ZC3H12D: variants seen among roughly 807,000 people sequenced by gnomAD.
The protein encoded by ZC3H12D is probable ribonuclease ZC3H12D.
In ZC3H12D, 11 loss-of-function variants were observed where a neutral mutation model predicts 24.2. The ratio of observed to expected loss-of-function variants is 0.46; its 90% confidence interval spans 0.29 to 0.75. ZC3H12D has a LOEUF of 0.75. ZC3H12D is among the 30% of genes least tolerant of loss of function. The pLI is 0.11. For missense variants in ZC3H12D, 740 were observed against 767.7 expected, an observed-to-expected ratio of 0.96 and a Z score of 0.43; for synonymous variants, 333 against 341.8, an observed-to-expected ratio of 0.97 and a Z score of 0.28.
chr6:149,452,623 ACAATGCTGC>A lies in ZC3H12D; in HGVS notation c.771_779del (p.Trp257_His259del). ...GCACTGGGCCCTACCCACCATAAGG[ACAATGCTGC>A]CAGGATGGCTCTGGGGGCTTCGGCT... On this transcript the variant is annotated inframe_deletion, in exon 5 of 6. Coordinates refer to ENST00000409806, the MANE Select transcript of ZC3H12D (RefSeq NM_207360.3). The surrounding 1 kb of genome is among the most constrained non-coding windows in gnomAD (Gnocchi z 4.0). The A allele has an allele frequency of 6.3e-7, 1 of 1,584,592 alleles. No individual in the cohort carries two copies. Among genetic ancestry groups the A allele is most frequent in the Non-Finnish European group, 8.6e-7 (1 of 1,166,890 alleles).
rs1223600709 is a variant in ZC3H12D, at chr6:149,450,745, C to A, written c.1522G>T (p.Ala508Ser). Residue 508 changes from alanine (A) to serine (S), a missense_variant, in exon 6 of 6, where the codon GCC becomes TCC. Coordinates refer to ENST00000409806, the MANE Select transcript of ZC3H12D (RefSeq NM_207360.3). ...CTCTGTACCAGGAGGATGAGCCTGG[C>A]GAGGTCTGAGAGCTCCGGGAACGCG... ...MAAFPELSDL[A>S]RLILLVQRCQ... The A allele has an allele frequency of 2.6e-6, 4 of 1,548,676 alleles. No individual in the cohort carries two copies. Among genetic ancestry groups the A allele is most frequent in the East Asian group, 2.4e-5 (1 of 40,880 alleles).
In ZC3H12D at chr6:149,461,861, C is replaced by G; in HGVS notation, c.415G>C (p.Asp139His). 1 of 1,573,768 alleles carries G rather than the reference C, an allele frequency of 6.4e-7. No individual in the cohort carries two copies. The highest frequency in any genetic ancestry group is 8.6e-7 in the Non-Finnish European group (1 of 1,159,216). ...ATAGGGGTGTCAGCTCTTGGTGGGT[C>G]CTTCCTCCAGGATGGAACAAAAACT... ...IKVFVPSWRK[D>H]PPRADTPIRE... is the part of the protein sequence containing the mutation. Residue 139 changes from aspartate to histidine, a missense_variant, in exon 3 of 6, where the codon GAC (aspartate) becomes CAC (histidine). Asp to His is a moderately conservative substitution (Grantham distance 81). Coordinates refer to ENST00000409806, the MANE Select transcript of ZC3H12D (RefSeq NM_207360.3).
intron 3 of ZC3H12D, among the ~76,000 whole-genome samples, chr6:149,461,150 G>A (rs999399198): frequency 7.2e-5 from 11 of 151,994 alleles, no homozygotes; most frequent in Non-Finnish European, 1.5e-4. Flanking sequence ...AGACCATCCT[G>A]GCCAACATGG....
In ZC3H12D at chr6:149,450,535, A is replaced by G; in HGVS notation, c.*148T>C. ...CCACCAGGCCCCCACAACCCCGCTC[A>G]GGAGGAGGAAGCAGGCTTCCCTGAC... is the stretch of plus-strand genomic sequence containing the variant. On this transcript the variant is annotated 3_prime_UTR_variant, in exon 6 of 6. Transcript: ENST00000409806. The G allele has an allele frequency of 2.3e-6, 2 of 862,628 alleles. No individual in the cohort carries two copies. The highest frequency in any genetic ancestry group is 3.4e-6 in the Non-Finnish European group (2 of 589,714). 53.4% of individuals were successfully genotyped at this position (862,628 alleles called of 1,614,324 possible).
chr6:149,476,015 A>G lies in ZC3H12D; in HGVS notation c.-70-1402T>C, dbSNP rs2789502. Among the ~76,000 whole-genome samples, 485 of 152,326 alleles carry G rather than the reference A, an allele frequency of 3.2e-3. 1 individual carries two copies. The highest frequency in any genetic ancestry group is 4.7e-3 in the Non-Finnish European group (322 of 68,024). ...GTAGAAGCATAAAGAATGAAAAGACATGATGTTTCTCCTACACACCCCAAA... is the reference window on the plus strand; with the variant it reads ...GTAGAAGCATAAAGAATGAAAAGACGTGATGTTTCTCCTACACACCCCAAA... On this transcript the variant is annotated intron_variant, in intron 1 of 5. Transcript: ENST00000409806.
chr6:149,482,895 G>A (rs1776447229), intron 1 of ZC3H12D, among the ~76,000 whole-genome samples: 1 of 152,130 alleles, frequency 6.6e-6, no homozygotes, highest in Non-Finnish European at 1.5e-5. Flanking sequence ...ACTCCCAAAG[G>A]TGGCTGGCCA....
chr6:149,475,196 C>G (rs1053333636), intron 1 of ZC3H12D, among the ~76,000 whole-genome samples: 3 of 151,666 alleles, frequency 2.0e-5, no homozygotes, highest in African/African-American at 7.3e-5. Context: ...CGATGAATTT[C>G]CCTTAACGCC....
At chr6:149,469,203 A>T (rs568900742) in intron 2 of ZC3H12D, among the ~76,000 whole-genome samples, 3 of 152,312 alleles carry the variant, frequency 2.0e-5, no homozygotes, top group African/African-American at 7.2e-5. Flanking sequence ...CAAGCCTGTA[A>T]TCCCAGCACT....
At chr6:149,472,248 T>A (rs1776255863) in intron 2 of ZC3H12D, among the ~76,000 whole-genome samples, 2 of 152,148 alleles carry the variant, frequency 1.3e-5, no homozygotes, top group Non-Finnish European at 2.9e-5. Context: ...AAGGAACAAA[T>A]TAAGTCCTGT....
At chr6:149,464,981 T>C (rs1776128763) in intron 2 of ZC3H12D, among the ~76,000 whole-genome samples, 1 of 152,204 alleles carries the variant, frequency 6.6e-6, no homozygotes, top group South Asian at 2.1e-4. Context: ...AGGATGACAT[T>C]TTGAATTCAC....
intron 1 of ZC3H12D, among the ~76,000 whole-genome samples, chr6:149,483,380 T>C (rs1776454320): frequency 1.3e-5 from 2 of 152,146 alleles, no homozygotes; most frequent in South Asian, 2.1e-4. Context: ...AGGGTACAGG[T>C]CAGTAGCATG....
intron 4 of ZC3H12D, among the ~76,000 whole-genome samples, chr6:149,454,611 C>T (rs1006357119): frequency 3.3e-5 from 5 of 152,242 alleles, no homozygotes; most frequent in African/African-American, 7.2e-5. Flanking sequence ...GCCCTGTGGA[C>T]GTGCCCGGGG....
intron 3 of ZC3H12D, among the ~76,000 whole-genome samples, chr6:149,459,322 G>A (rs1215131174): frequency 6.6e-6 from 1 of 152,212 alleles, no homozygotes; most frequent in Non-Finnish European, 1.5e-5. Flanking sequence ...CTGAACACAA[G>A]TATTTATATT....
In ZC3H12D at chr6:149,461,896, G is replaced by A. The variant is rs1776079253; in HGVS notation, c.380C>T (p.Thr127Ile). ...GGATGGAACAAAAACTTTGATGTAGGTGTGTCCTCTGTCCCTGAACCAGTC... is the reference window on the plus strand; with the variant it reads ...GGATGGAACAAAAACTTTGATGTAGATGTGTCCTCTGTCCCTGAACCAGTC... ...AVDWFRDRGH[T>I]YIKVFVPSWR... The change falls in exon 3 of 6, where the codon ACC becomes ATC. Residue 127 changes from threonine to isoleucine, a missense_variant. Transcript: ENST00000409806. 1 of 1,606,160 alleles carries A rather than the reference G, an allele frequency of 6.2e-7. No homozygotes were observed. The highest frequency in any genetic ancestry group is 8.5e-7 in the Non-Finnish European group (1 of 1,176,388).
intron 4 of ZC3H12D, among the ~76,000 whole-genome samples, chr6:149,455,260 G>A (rs56012030): frequency 2.6e-5 from 4 of 152,072 alleles, no homozygotes; most frequent in African/African-American, 9.7e-5. Flanking sequence ...TTTCCCCATC[G>A]ACCCTTCCCC....
chr6:149,473,771 T>G (rs1776286175), intron 2 of ZC3H12D, among the ~76,000 whole-genome samples: 1 of 152,134 alleles, frequency 6.6e-6, no homozygotes, highest in Admixed American at 6.5e-5. Context: ...GAAGAGATAT[T>G]TGTGGGCCTC....
rs922618716 is a variant in ZC3H12D at position 149,455,302 on chromosome 6, C to A, written c.680+1364G>T. On this transcript the variant is annotated intron_variant, in intron 4 of 5. Coordinates refer to ENST00000409806, the MANE Select transcript of ZC3H12D (RefSeq NM_207360.3). ...AGCCATTCACTCGGTCATTCCTTTA[C>A]AACTAGTTACTGCACCCCTGTGGGC... is the stretch of plus-strand genomic sequence containing the variant. Among the ~76,000 whole-genome samples, 14 of 152,232 alleles carry A rather than the reference C, an allele frequency of 9.2e-5. 1 individual carries two copies. Among genetic ancestry groups the A allele is most frequent in the African/African-American group, 3.4e-4 (14 of 41,462 alleles).
In ZC3H12D at chr6:149,450,055, G is replaced by GACTTGTCCCC. The variant is rs1164780895; in HGVS notation, c.*627_*628insGGGGACAAGT. The GACTTGTCCCC allele has an allele frequency of 6.6e-6, 1 of 152,198 alleles. No homozygotes were observed. The highest frequency in any genetic ancestry group is 1.5e-5 in the Non-Finnish European group (1 of 68,104). 9.4% of individuals were successfully genotyped at this position (152,198 alleles called of 1,614,324 possible). ...CAGCATAGGACAGCCACACAATTCAGAGCACAGGAGAGCCCACACCTGGAG... is the reference window on the plus strand; with the variant it reads ...CAGCATAGGACAGCCACACAATTCAGACTTGTCCCCAGCACAGGAGAGCCCACACCTGGAG... On this transcript the variant is annotated 3_prime_UTR_variant, in exon 6 of 6. Transcript: ENST00000409806.
rs1026499739 is a variant in ZC3H12D, at chr6:149,450,424, T to A, written c.*259A>T. ...TCTACTGCAGCTTGGACCCGCAGTC[T>A]CCGTGCACATGGAAAATCATTCCCT... On this transcript the variant is annotated 3_prime_UTR_variant, in exon 6 of 6. Transcript: ENST00000409806. 4 of 476,856 alleles carry A rather than the reference T, an allele frequency of 8.4e-6. No homozygotes were observed. The East Asian group carries it at 1.4e-4, about 16-fold the overall frequency. The allele number at this position is 476,856 out of a possible 1,614,324, so 29.5% of individuals were successfully genotyped here.
Sources: gnomAD v4.1 joint callset for allele counts (sites outside exome capture counted in the v4.1 genomes callset) on GRCh38, gnomAD v4.1.1 for gene constraint, Gnocchi (gnomAD v3.1) non-coding constraint, MANE v1.5 for transcripts, NCBI Gene and HGNC (gene_info 2026-07-23, HGNC 2026-07-21) for gene names.